Variants in FAM120A observed in about 807,000 individuals in gnomAD.
FAM120A encodes family with sequence similarity 120 member A.
In FAM120A, 15 loss-of-function variants were observed where a neutral mutation model predicts 109.7. The ratio of observed to expected loss-of-function variants is 0.14; its 90% CI spans 0.09 to 0.21. The LOEUF is 0.21. Among genes scored for constraint, FAM120A ranks in the 10% least tolerant of loss-of-function variants. The pLI, the probability that FAM120A is intolerant of heterozygous loss-of-function variation, is 1.00. For synonymous variants in FAM120A, 493 were observed against 572.8 expected (o/e 0.86, Z 1.99); for missense variants, 899 against 1,439.3 (o/e 0.62, Z 6.07).
chr9:93,484,204 C>T lies in FAM120A; in HGVS notation c.804+7866C>T, dbSNP rs143003962. Reference sequence around the variant, plus strand: ...CCAAGTAGCTGGGACTACAGGTGTGCGCCACCACACCCAGCTTCTGTCTTT... The same window carrying T: ...CCAAGTAGCTGGGACTACAGGTGTGTGCCACCACACCCAGCTTCTGTCTTT... On this transcript the variant is annotated intron_variant, in intron 3 of 17. Coordinates refer to ENST00000277165, the MANE Select transcript of FAM120A (RefSeq NM_014612.5). Among the ~76,000 whole-genome samples, 464 of 151,400 alleles carry T rather than the reference C, an allele frequency of 3.1e-3. 1 individual carries two copies. Among genetic ancestry groups the T allele is most frequent in the African/African-American group, 9.3e-3 (384 of 41,262 alleles).
intron 13 of FAM120A, among the ~76,000 whole-genome samples, chr9:93,557,606 C>G (rs1048237730): frequency 6.6e-6 from 1 of 152,184 alleles, no homozygotes; most frequent in Admixed American, 6.5e-5. Context: ...AAATCTTTGC[C>G]GTGTTCTGCA....
intron 11 of FAM120A, among the ~76,000 whole-genome samples, chr9:93,544,394 T>G (rs1861810152): frequency 6.6e-6 from 1 of 152,226 alleles, no homozygotes; most frequent in South Asian, 2.1e-4. Flanking sequence ...GTCCTGCTGC[T>G]GGGATGTCTC....
At chr9:93,562,727 C>G (rs1276587933) in intron 17 of FAM120A, among the ~76,000 whole-genome samples, 1 of 148,774 alleles carries the variant, frequency 6.7e-6, no homozygotes, top group Non-Finnish European at 1.5e-5. Flanking sequence ...TGCCGTGGCA[C>G]AATCTCCGCT....
At chr9:93,478,758 G>C (rs147988821) in intron 3 of FAM120A, among the ~76,000 whole-genome samples, 1 of 152,162 alleles carries the variant, frequency 6.6e-6, no homozygotes, top group Non-Finnish European at 1.5e-5. Context: ...TTATAGGTGT[G>C]AGCCACAGCA....
chr9:93,484,592 A>G (rs1478073522), intron 3 of FAM120A, among the ~76,000 whole-genome samples: 1 of 151,912 alleles, frequency 6.6e-6, no homozygotes, highest in Non-Finnish European at 1.5e-5. Flanking sequence ...TTATTATTTT[A>G]AGACAGAGTC....
chr9:93,553,099 G>A (rs1391446532), intron 12 of FAM120A, among the ~76,000 whole-genome samples: 1 of 152,104 alleles, frequency 6.6e-6, no homozygotes, highest in Non-Finnish European at 1.5e-5. Context: ...TGTTCCATGT[G>A]GCTCCTTAAA....
At chr9:93,520,933 A>G (rs545462117) in intron 7 of FAM120A, among the ~76,000 whole-genome samples, 1 of 152,282 alleles carries the variant, frequency 6.6e-6, no homozygotes, top group African/African-American at 2.4e-5. Context: ...GTATTTCTTT[A>G]ATATCTTATT....
At chr9:93,481,171 C>T (rs1287259934) in intron 3 of FAM120A, among the ~76,000 whole-genome samples, 1 of 152,264 alleles carries the variant, frequency 6.6e-6, no homozygotes, top group Non-Finnish European at 1.5e-5. Flanking sequence ...GCGGCTGTGG[C>T]AGTCCACCCT....
At chr9:93,467,258 C>CCG (rs56698785) in intron 1 of FAM120A, among the ~76,000 whole-genome samples, 1,083 of 49,068 alleles carry the variant, frequency 0.022, 123 homozygotes, top group Middle Eastern at 0.039. Context: ...CCCCCCCCCC[C>CCG]TTTTCCCCCA....
At chr9:93,550,173 G>A (rs1862042946) in intron 11 of FAM120A, among the ~76,000 whole-genome samples, 1 of 152,118 alleles carries the variant, frequency 6.6e-6, no homozygotes, top group African/African-American at 2.4e-5. Context: ...TTTTCATCTC[G>A]GGATTTGTCT....
intron 5 of FAM120A, among the ~76,000 whole-genome samples, chr9:93,505,430 G>A (rs575360110): frequency 6.6e-6 from 1 of 152,276 alleles, no homozygotes; most frequent in South Asian, 2.1e-4. Context: ...ATATATATTG[G>A]ATGCTAGTCA....
chr9:93,493,890 T>G (rs1027406797), intron 3 of FAM120A, among the ~76,000 whole-genome samples: 6 of 152,222 alleles, frequency 3.9e-5, no homozygotes, highest in African/African-American at 1.4e-4. Flanking sequence ...TGGAGCGCTC[T>G]CTCAGTGGGC....
rs373918580 is a variant in FAM120A, at chr9:93,498,182, C to T, written c.933+583C>T. On this transcript the variant is annotated intron_variant, in intron 4 of 17. Transcript: ENST00000277165. The surrounding 1 kb of genome is among the most constrained non-coding windows in gnomAD (Gnocchi z 4.4). ...GGCCGAGGCGGGCGGATCACGAGGTCAGGAGTTTGAGACTAGCCTGGCCAA... is the reference window on the plus strand; with the variant it reads ...GGCCGAGGCGGGCGGATCACGAGGTTAGGAGTTTGAGACTAGCCTGGCCAA... Among the ~76,000 whole-genome samples the T allele has an allele frequency of 6.6e-6, 1 of 152,268 alleles. No homozygotes were observed. Among genetic ancestry groups the T allele is most frequent in the African/African-American group, 2.4e-5 (1 of 41,548 alleles).
chr9:93,455,630 GA>G (rs1431566270), intron 1 of FAM120A, among the ~76,000 whole-genome samples: 1 of 152,074 alleles, frequency 6.6e-6, no homozygotes, highest in African/African-American at 2.4e-5. Flanking sequence ...TAAATTGGCA[GA>G]GGGGCATAAT....
chr9:93,529,660 T>C (rs969891768), intron 9 of FAM120A, 80 bp downstream of exon 9: 2 of 1,263,594 alleles, frequency 1.6e-6, no homozygotes, highest in African/African-American at 2.9e-5. Flanking sequence ...CTTTTGTCCT[T>C]TTTTGAACCA....
intron 3 of FAM120A, among the ~76,000 whole-genome samples, chr9:93,487,340 T>G (rs1859105516): frequency 6.6e-6 from 1 of 152,048 alleles, no homozygotes; most frequent in South Asian, 2.1e-4. Flanking sequence ...TTTTGTATTT[T>G]TAGTAGAAAC....
At chr9:93,495,547 A>G (rs1448346969) in intron 3 of FAM120A, among the ~76,000 whole-genome samples, 1 of 152,272 alleles carries the variant, frequency 6.6e-6, no homozygotes, top group African/African-American at 2.4e-5. Flanking sequence ...GTTTTCCAGT[A>G]CATGTAATAG....
chr9:93,529,124 CAGT>C (rs1252652849), intron 8 of FAM120A, among the ~76,000 whole-genome samples: 1 of 152,138 alleles, frequency 6.6e-6, no homozygotes, highest in Non-Finnish European at 1.5e-5. Flanking sequence ...TCCTGTGGCA[CAGT>C]AGATGTTGAT....
intron 5 of FAM120A, among the ~76,000 whole-genome samples, chr9:93,508,638 G>T (rs551781894): frequency 6.6e-6 from 1 of 152,178 alleles, no homozygotes; most frequent in African/African-American, 2.4e-5. Context: ...TCCTGGGGCT[G>T]GTGTTCTGGG....
Sources: allele counts gnomAD v4.1 joint callset (sites outside exome capture counted in the v4.1 genomes callset), GRCh38; gene constraint gnomAD v4.1.1; non-coding constraint Gnocchi (gnomAD v3.1); transcripts MANE v1.5; gene names NCBI Gene and HGNC (gene_info 2026-07-23, HGNC 2026-07-21).